The following ANXA10 variants were observed in gnomAD, a reference collection of about 807,000 sequenced individuals.
ANXA10 encodes the protein annexin 14.
A neutral mutation model predicts 53.5 loss-of-function variants in ANXA10; 49 were observed. The ratio of observed to expected loss-of-function variants is 0.92; its 90% CI spans 0.73 to 1.16. The LOEUF is 1.16. Ranked by LOEUF, ANXA10 falls within the 50% of genes most tolerant of loss-of-function variation. ANXA10 has a pLI of 0.00. For missense variants in ANXA10, 393 were observed against 394.4 expected, an observed-to-expected ratio of 1.00 and a Z score of 0.03; for synonymous variants, 131 against 128.9, an observed-to-expected ratio of 1.02 and a Z score of -0.11.
At chr4:168,112,569 T>G (rs1313880736) in intron 1 of ANXA10, among the ~76,000 whole-genome samples, 5 of 152,132 alleles carry the variant, frequency 3.3e-5, no homozygotes, top group Non-Finnish European at 5.9e-5. Flanking sequence ...ATACATTAAT[T>G]ATATATTAAT....
At chr4:168,177,865 A>G (rs760063305) in intron 7 of ANXA10, 25 bp from the exon 8 acceptor site, 11 of 1,614,058 alleles carry the variant, frequency 6.8e-6, no homozygotes, top group Admixed American at 5.0e-5. Flanking sequence ...TTCTGATGCT[A>G]CTTCTCTGCT....
At chr4:168,165,137 A>T in intron 5 of ANXA10, 110 bp from the exon 6 acceptor site, 1 of 541,068 alleles carries the variant, frequency 1.8e-6, no homozygotes, top group Non-Finnish European at 3.1e-6. Context: ...CAGGTGGACT[A>T]CATTTCCTGG....
At chr4:168,115,405 C>T (rs1730876793) in intron 1 of ANXA10, among the ~76,000 whole-genome samples, 1 of 151,856 alleles carries the variant, frequency 6.6e-6, no homozygotes, top group South Asian at 2.1e-4. Context: ...ATTAGACATT[C>T]TGTTCTTAAT....
At chr4:168,117,955 T>G (rs1730921688) in intron 1 of ANXA10, among the ~76,000 whole-genome samples, 1 of 150,714 alleles carries the variant, frequency 6.6e-6, no homozygotes, top group African/African-American at 2.5e-5. Flanking sequence ...TCCCTCACAC[T>G]GGGACCATGG....
At position 168,186,909 on chromosome 4, in the gene ANXA10, G is replaced by C. The variant is rs181007958; in HGVS notation, c.907-457G>C. On this transcript the variant is annotated intron_variant, in intron 11 of 11. Transcript: ENST00000359299. The stretch of plus-strand genomic sequence containing the variant: ...ATATATTTTTAGCACAAAACTTTGT[G>C]CTTATCAATGATTGATAATAACTTT... Among the ~76,000 whole-genome samples, 20 of 151,962 alleles carry C rather than the reference G, an allele frequency of 1.3e-4. No homozygotes were observed. In the East Asian group the frequency reaches 3.1e-3, roughly 23 times the overall value.
intron 1 of ANXA10, among the ~76,000 whole-genome samples, chr4:168,109,160 T>C (rs1191196167): frequency 6.6e-6 from 1 of 152,196 alleles, no homozygotes; most frequent in South Asian, 2.1e-4. Flanking sequence ...CCCACATTTT[T>C]TTTCTGCTAT....
chr4:168,183,773 G>A (rs746791234), intron 10 of ANXA10, among the ~76,000 whole-genome samples: 6 of 152,020 alleles, frequency 3.9e-5, no homozygotes, highest in Non-Finnish European at 8.8e-5. Flanking sequence ...TAAAGTGAAC[G>A]ATCTACATTT....
intron 6 of ANXA10, among the ~76,000 whole-genome samples, chr4:168,176,880 G>A (rs1389630914): frequency 6.6e-6 from 1 of 152,042 alleles, no homozygotes; most frequent in East Asian, 1.9e-4. Context: ...CACGCCTGCA[G>A]TCCAAGCTAC....
At chr4:168,178,506 C>T (rs961195040) in intron 8 of ANXA10, among the ~76,000 whole-genome samples, 2 of 151,840 alleles carry the variant, frequency 1.3e-5, no homozygotes, top group Non-Finnish European at 2.9e-5. Context: ...ACGCAAATGG[C>T]TGAAAATTTT....
chr4:168,145,925 C>T (rs371316556), intron 3 of ANXA10, among the ~76,000 whole-genome samples: 1 of 149,234 alleles, frequency 6.7e-6, no homozygotes, highest in East Asian at 2.0e-4. Context: ...TGTTGAGTGG[C>T]TTTTTTTTTT....
chr4:168,162,307 T>C (rs1456475904), intron 3 of ANXA10, among the ~76,000 whole-genome samples: 1 of 152,186 alleles, frequency 6.6e-6, no homozygotes, highest in Non-Finnish European at 1.5e-5. Context: ...TTCAAATGTC[T>C]ACAATGTGCA....
chr4:168,097,853 T>C (rs995430220), intron 1 of ANXA10, among the ~76,000 whole-genome samples: 1 of 152,172 alleles, frequency 6.6e-6, no homozygotes, highest in Admixed American at 6.6e-5. Flanking sequence ...GCAAAGAGGA[T>C]ATTTTGAGAA....
rs73862568 is a variant in ANXA10, at chr4:168,167,870, G to C, written c.480+2544G>C. ...GTAAAACTGGCCGGGTATTACTAGAGGGCTGAGTCATAACAAACCCTTACT... is the reference window on the plus strand; with the variant it reads ...GTAAAACTGGCCGGGTATTACTAGACGGCTGAGTCATAACAAACCCTTACT... On this transcript the variant is annotated intron_variant, in intron 6 of 11. Coordinates refer to ENST00000359299, the MANE Select transcript of ANXA10 (RefSeq NM_007193.5). Among the ~76,000 whole-genome samples the C allele has an allele frequency of 4.9e-3, 748 of 152,228 alleles. 7 individuals carry two copies. Among genetic ancestry groups the C allele is most frequent in the African/African-American group, 0.017 (721 of 41,518 alleles).
intron 1 of ANXA10, among the ~76,000 whole-genome samples, chr4:168,120,017 AATAGCATAGG>A (rs1730959413): frequency 6.6e-6 from 1 of 152,070 alleles, no homozygotes; most frequent in Non-Finnish European, 1.5e-5. Flanking sequence ...ATATAGCTAT[AATAGCATAGG>A]ATAGCTTTAA....
intron 8 of ANXA10, 122 bp downstream of exon 8, chr4:168,178,105 G>T: frequency 2.4e-6 from 2 of 841,126 alleles, no homozygotes; most frequent in African/African-American, 1.7e-5. Context: ...TATCTCAAAG[G>T]TACTTATTTT....
At chr4:168,166,822 C>T (rs1356073554) in intron 6 of ANXA10, among the ~76,000 whole-genome samples, 2 of 151,988 alleles carry the variant, frequency 1.3e-5, no homozygotes, top group East Asian at 3.9e-4. Context: ...GGGAACATGA[C>T]ATTAGAAAAG....
chr4:168,163,597 A>C (rs1438830201), intron 4 of ANXA10, among the ~76,000 whole-genome samples: 1 of 152,204 alleles, frequency 6.6e-6, no homozygotes, highest in Non-Finnish European at 1.5e-5. Context: ...TGATTAAACA[A>C]GTGTGTTTTA....
intron 3 of ANXA10, among the ~76,000 whole-genome samples, chr4:168,144,180 C>CTT (rs372900968): frequency 6.7e-6 from 1 of 149,784 alleles, no homozygotes; most frequent in East Asian, 2.0e-4. Context: ...GATTGTTGTT[C>CTT]TTTTTTTTTT....
At position 168,182,882 on chromosome 4, in the gene ANXA10, C is replaced by A. The variant is rs560563982; in HGVS notation, c.783+1141C>A. Among the ~76,000 whole-genome samples, 28 of 150,410 alleles carry A rather than the reference C, an allele frequency of 1.9e-4. No homozygotes were observed. In the East Asian group the frequency reaches 4.2e-3, roughly 23 times the overall value. ...AAAATTAGCCGGGCGTGGTTGCAGG[C>A]ATCTGTAGTTCCAGCTACTCGGGAG... On this transcript the variant is annotated intron_variant, in intron 10 of 11. Transcript: ENST00000359299.
Sources: gnomAD v4.1 joint callset for allele counts (sites outside exome capture counted in the v4.1 genomes callset) on GRCh38, gnomAD v4.1.1 for gene constraint, MANE v1.5 for transcripts, NCBI Gene and HGNC (gene_info 2026-07-23, HGNC 2026-07-21) for gene names.